Variants in ZFHX3 observed in about 807,000 individuals in gnomAD.
The protein encoded by ZFHX3 is zinc finger homeobox 3.
A neutral mutation model predicts 279.1 loss-of-function variants in ZFHX3; 42 were observed. The ratio of observed to expected loss-of-function variants is 0.15; its 90% CI spans 0.12 to 0.19. The LOEUF (loss-of-function observed/expected upper bound fraction) is 0.19. ZFHX3 is among the 10% of genes least tolerant of loss of function. ZFHX3 has a pLI of 1.00. For missense variants in ZFHX3, 4,981 were observed against 4,754.0 expected (o/e 1.05, Z -1.40); for synonymous variants, 2,293 against 1,957.8 (o/e 1.17, Z -4.52).
At chr16:73,798,490 AC>A (rs1960058816) in intron 1 of ZFHX3, among the ~76,000 whole-genome samples, 1 of 151,970 alleles carries the variant, frequency 6.6e-6, no homozygotes, top group Non-Finnish European at 1.5e-5. Flanking sequence ...GGAAATGGGA[AC>A]CCAAACCATA....
intron 1 of ZFHX3, among the ~76,000 whole-genome samples, chr16:73,857,886 C>T (rs754993881): frequency 3.3e-5 from 5 of 152,004 alleles, no homozygotes; most frequent in Admixed American, 6.6e-5. Flanking sequence ...GTGGATGGAT[C>T]GCTTGAGGTC....
At chr16:73,229,118 C>G (rs941901342) in intron 5 of ZFHX3, among the ~76,000 whole-genome samples, 8 of 152,152 alleles carry the variant, frequency 5.3e-5, no homozygotes, top group Non-Finnish European at 1.2e-4. Context: ...TGCTGCTCAC[C>G]TAGGATTCTG....
chr16:72,998,652 G>A (rs1963378830), intron 1 of ZFHX3, among the ~76,000 whole-genome samples: 1 of 152,172 alleles, frequency 6.6e-6, no homozygotes, highest in African/African-American at 2.4e-5. Flanking sequence ...TAAAACCCTG[G>A]CTTCCTCTAA....
At position 73,844,165 on chromosome 16, in the gene ZFHX3, G is replaced by A. The variant is rs146156588; in HGVS notation, c.-1608+47486C>T. 1.1e-4 allele frequency among the ~76,000 whole-genome samples: 17 copies of A among 152,238 alleles called. No homozygotes were observed. In the East Asian group the frequency reaches 3.3e-3, roughly 29 times the overall value. On this transcript the variant is annotated intron_variant, in intron 1 of 17. Transcript: ENST00000641206. ...GCCTGCAAAGAATACAGAAACAGGAGTGGCAACCACATGAAATAACAATAA... is the reference window on the plus strand; with the variant it reads ...GCCTGCAAAGAATACAGAAACAGGAATGGCAACCACATGAAATAACAATAA...
At chr16:73,113,555 T>A (rs1188133716) in intron 7 of ZFHX3, among the ~76,000 whole-genome samples, 5 of 152,102 alleles carry the variant, frequency 3.3e-5, no homozygotes, top group Admixed American at 6.5e-5. Flanking sequence ...TATGCAAGAA[T>A]CCCATGGGCT....
At chr16:73,369,836 T>C (rs976221257) in intron 3 of ZFHX3, among the ~76,000 whole-genome samples, 1 of 136,854 alleles carries the variant, frequency 7.3e-6, no homozygotes, top group Non-Finnish European at 1.6e-5. Flanking sequence ...ATTAGGATGG[T>C]CCTTTCTCTC....
At chr16:73,244,403 G>A (rs558115980) in intron 5 of ZFHX3, among the ~76,000 whole-genome samples, 1 of 152,270 alleles carries the variant, frequency 6.6e-6, no homozygotes, top group South Asian at 2.1e-4. Flanking sequence ...GAATCCCAGT[G>A]ACAAGTGAAA....
At chr16:73,717,922 T>A (rs2053432312) in intron 1 of ZFHX3, among the ~76,000 whole-genome samples, 1 of 152,176 alleles carries the variant, frequency 6.6e-6, no homozygotes, top group African/African-American at 2.4e-5. Flanking sequence ...ACAACAGCCA[T>A]CACTATGCAG....
intron 5 of ZFHX3, among the ~76,000 whole-genome samples, chr16:73,254,571 C>A (rs988471993): frequency 6.6e-6 from 1 of 151,638 alleles, no homozygotes; most frequent in Non-Finnish European, 1.5e-5. Context: ...GTACAGAATC[C>A]CCTATACTCT....
At chr16:73,401,579 T>C (rs1260416900) in intron 3 of ZFHX3, 3 of 152,138 alleles carry the variant, frequency 2.0e-5, no homozygotes, top group African/African-American at 7.2e-5. Context: ...TGCTGAATTC[T>C]AGATAACAGA....
rs1449631445 is a variant in ZFHX3, at chr16:73,084,513, A to AAT, written c.-533+8720_-533+8721dup. ...CAAAAATATAAAATACCTAGGACTA[A>AAT]ATTTTTTTTTTTTTTTTTTTTTTTT... On this transcript the variant is annotated intron_variant, in intron 8 of 17. Transcript: ENST00000641206. Among the ~76,000 whole-genome samples the AAT allele has an allele frequency of 2.8e-5, 4 of 142,866 alleles. No individual in the cohort carries two copies. The South Asian group carries it at 6.6e-4, about 24-fold the overall frequency. 93.7% of individuals were successfully genotyped at this position (142,866 alleles called of 152,430 possible).
At chr16:73,742,600 G>C (rs144167974) in intron 1 of ZFHX3, among the ~76,000 whole-genome samples, 1 of 152,132 alleles carries the variant, frequency 6.6e-6, no homozygotes, top group African/African-American at 2.4e-5. Flanking sequence ...GGTCAACCTG[G>C]TTCATATCCA....
chr16:73,057,125 T>C (rs1965572723), intron 1 of ZFHX3, among the ~76,000 whole-genome samples: 1 of 152,114 alleles, frequency 6.6e-6, no homozygotes, highest in Non-Finnish European at 1.5e-5. Context: ...GTTTCAATAA[T>C]TGAGACCAAT....
At chr16:73,133,298 G>A (rs982497582) in intron 6 of ZFHX3, among the ~76,000 whole-genome samples, 2 of 152,194 alleles carry the variant, frequency 1.3e-5, no homozygotes, top group Admixed American at 1.3e-4. Flanking sequence ...GAGGTGGGTG[G>A]ATCACCTGAA....
intron 2 of ZFHX3, among the ~76,000 whole-genome samples, chr16:72,954,297 GA>G (rs1266170092): frequency 2.0e-5 from 3 of 152,192 alleles, no homozygotes; most frequent in African/African-American, 7.2e-5. Flanking sequence ...TTGAACCCGG[GA>G]GGCAGGGGCT....
chr16:73,719,205 A>G (rs200050898), intron 1 of ZFHX3, among the ~76,000 whole-genome samples: 1 of 152,234 alleles, frequency 6.6e-6, no homozygotes, highest in African/African-American at 2.4e-5. Flanking sequence ...CCAGTCAAGC[A>G]CTTATCATCT....
intron 2 of ZFHX3, among the ~76,000 whole-genome samples, chr16:73,496,866 T>A (rs926958456): frequency 1.4e-4 from 22 of 151,946 alleles, no homozygotes; most frequent in African/African-American, 5.1e-4. Context: ...CTGCGTTGGG[T>A]GGCCTCACAG....
intron 3 of ZFHX3, among the ~76,000 whole-genome samples, chr16:73,360,982 T>C (rs1173159726): frequency 6.6e-6 from 1 of 151,948 alleles, no homozygotes; most frequent in Non-Finnish European, 1.5e-5. Flanking sequence ...AGAAAGATAA[T>C]GAAAAAGCAA....
chr16:73,781,320 C>A (rs1249752754), intron 1 of ZFHX3, among the ~76,000 whole-genome samples: 1 of 152,190 alleles, frequency 6.6e-6, no homozygotes, highest in African/African-American at 2.4e-5. Flanking sequence ...GATTAAGCAG[C>A]TCGATTATAA....
Sources: gnomAD v4.1 joint callset for allele counts (sites outside exome capture counted in the v4.1 genomes callset) on GRCh38, gnomAD v4.1.1 for gene constraint, MANE v1.5 for transcripts, NCBI Gene and HGNC (gene_info 2026-07-23, HGNC 2026-07-21) for gene names.